RUNX2: variants seen among roughly 807,000 people sequenced by gnomAD.
The protein encoded by RUNX2 is RUNX family transcription factor 2, also known as runt-related transcription factor 2.
RUNX2 carries 10 observed loss-of-function variants against 51.7 expected under a neutral mutation model. The observed-to-expected ratio is 0.19, with a 90% CI of 0.12 to 0.33. The LOEUF is 0.33. Among genes scored for constraint, RUNX2 ranks in the 10% least tolerant of loss-of-function variants. The pLI, the probability that RUNX2 is intolerant of heterozygous loss-of-function variation, is 1.00. For missense variants in RUNX2, 562 were observed against 691.3 expected, an observed-to-expected ratio of 0.81 and a Z score of 2.10; for synonymous variants, 276 against 273.6, an observed-to-expected ratio of 1.01 and a Z score of -0.09.
intron 2 of RUNX2, among the ~76,000 whole-genome samples, chr6:45,373,458 C>T (rs1466176142): frequency 1.3e-5 from 2 of 151,886 alleles, no homozygotes; most frequent in Non-Finnish European, 2.9e-5. Context: ...GTTGGTTCTC[C>T]CTTAGCAGTA....
At chr6:45,493,903 T>G (rs1026046159) in intron 6 of RUNX2, among the ~76,000 whole-genome samples, 2 of 152,220 alleles carry the variant, frequency 1.3e-5, no homozygotes, top group African/African-American at 4.8e-5. Context: ...GATTTCTGTA[T>G]TCTGATCATT....
rs1247004200 is a variant in RUNX2, at chr6:45,422,640, C to T, written c.106C>T (p.Pro36Ser). 6.2e-7 allele frequency: 1 copy of T among 1,606,798 alleles called. No individual in the cohort carries two copies. Among genetic ancestry groups the T allele is most frequent in the Non-Finnish European group, 8.5e-7 (1 of 1,177,442 alleles). Residue 36 changes from proline (P) to serine (S), a missense_variant, in exon 3 of 9, where the codon CCC becomes TCC. Physicochemically the swap from Pro to Ser is moderately conservative, Grantham distance 74 (BLOSUM62 -1). Transcript: ENST00000647337. ...RFSPPSSSLQ[P>S]GKMSDVSPVV... The stretch of plus-strand genomic sequence containing the variant: ...CAGCCCCCCCTCCAGCAGCCTGCAG[C>T]CCGGCAAAATGAGCGACGTGAGCCC...
intron 3 of RUNX2, among the ~76,000 whole-genome samples, chr6:45,431,052 T>C (rs540169116): frequency 4.6e-5 from 7 of 152,358 alleles, no homozygotes; most frequent in Admixed American, 4.6e-4. Context: ...AGAAAATGTT[T>C]GTTTGTTCCA....
At chr6:45,393,338 G>T (rs554752828) in intron 2 of RUNX2, among the ~76,000 whole-genome samples, 1 of 152,310 alleles carries the variant, frequency 6.6e-6, no homozygotes, top group African/African-American at 2.4e-5. Context: ...TGTTTTTCTG[G>T]CTAGGAGTTA....
intron 2 of RUNX2, among the ~76,000 whole-genome samples, chr6:45,329,727 T>C (rs1787076739): frequency 6.6e-6 from 1 of 151,966 alleles, no homozygotes; most frequent in African/African-American, 2.4e-5. Flanking sequence ...AGGCATAATC[T>C]TGTCCCTTAA....
At chr6:45,511,165 G>A (rs1438153505) in intron 6 of RUNX2, among the ~76,000 whole-genome samples, 1 of 151,944 alleles carries the variant, frequency 6.6e-6, no homozygotes, top group Non-Finnish European at 1.5e-5. Context: ...TTTTTGCTTT[G>A]GAAACATACA....
At chr6:45,446,994 T>G (rs1799018451) in intron 5 of RUNX2, among the ~76,000 whole-genome samples, 1 of 152,270 alleles carries the variant, frequency 6.6e-6, no homozygotes, top group Non-Finnish European at 1.5e-5. Flanking sequence ...GGTGAAAATC[T>G]ATTTGTTGGA....
intron 7 of RUNX2, among the ~76,000 whole-genome samples, chr6:45,538,190 G>C (rs181730703): frequency 5.9e-5 from 9 of 152,248 alleles, no homozygotes; most frequent in Admixed American, 5.9e-4. Context: ...CAGGCCACAG[G>C]AAAATACCAG....
intron 7 of RUNX2, among the ~76,000 whole-genome samples, chr6:45,520,095 G>T (rs556344929): frequency 6.6e-6 from 1 of 152,034 alleles, no homozygotes; most frequent in Non-Finnish European, 1.5e-5. Context: ...GCCTCCCAAA[G>T]TGCTGGGATT....
intron 2 of RUNX2, among the ~76,000 whole-genome samples, chr6:45,350,764 C>T (rs1791846345): frequency 6.6e-6 from 1 of 151,996 alleles, no homozygotes; most frequent in South Asian, 2.1e-4. Context: ...CAGCTAAATG[C>T]CAGGTTCTAA....
At chr6:45,397,641 T>C (rs1327432459) in intron 2 of RUNX2, among the ~76,000 whole-genome samples, 3 of 152,190 alleles carry the variant, frequency 2.0e-5, no homozygotes, top group Non-Finnish European at 2.9e-5. Flanking sequence ...ATGATACTTA[T>C]TAGTATTTCA....
Position 45,420,709 on chromosome 6 carries a change from A to G in RUNX2, c.59-1884A>G, listed in dbSNP as rs185506092. The stretch of plus-strand genomic sequence containing the variant: ...TAAGCAAGAAACGTAGTAGTACACA[A>G]CGCCGAGGGTAAAACGGCCCTGTGC... On this transcript the variant is annotated intron_variant, in intron 2 of 8. Transcript: ENST00000647337. Among the ~76,000 whole-genome samples the G allele has an allele frequency of 2.0e-5, 3 of 152,332 alleles. No individual in the cohort carries two copies. In the East Asian group the frequency reaches 5.8e-4, roughly 29 times the overall value.
At position 45,334,732 on chromosome 6, in the gene RUNX2, C is replaced by G. The variant is rs1024957929; in HGVS notation, c.58+5948C>G. On this transcript the variant is annotated intron_variant, in intron 2 of 8. Coordinates refer to ENST00000647337, the MANE Select transcript of RUNX2 (RefSeq NM_001024630.4). ...GTGAATGCATTCACACCAATGACTA[C>G]AGAACTTGTAATAATGATTATAAAC... is the stretch of plus-strand genomic sequence containing the variant. Among the ~76,000 whole-genome samples the G allele has an allele frequency of 6.0e-5, 9 of 151,066 alleles. No individual in the cohort carries two copies. In the South Asian group the frequency reaches 1.2e-3, roughly 21 times the overall value.
Position 45,550,978 on chromosome 6 carries a change from A to G in RUNX2, c.*3673A>G, listed in dbSNP as rs1802549232. 1 of 152,640 alleles carries G rather than the reference A, an allele frequency of 6.6e-6. No homozygotes were observed. The highest frequency in any genetic ancestry group is 1.5e-5 in the Non-Finnish European group (1 of 68,042). 9.5% of individuals were successfully genotyped at this position (152,640 alleles called of 1,614,324 possible). On this transcript the variant is annotated 3_prime_UTR_variant, in exon 9 of 9. Transcript: ENST00000647337. ...ACTTCAAAGGGACTATTTGTATTGT[A>G]TGTTGCAACTGTAAATTGAATTATT...
intron 3 of RUNX2, among the ~76,000 whole-genome samples, chr6:45,429,708 T>C (rs1477771901): frequency 6.6e-6 from 1 of 152,178 alleles, no homozygotes; most frequent in Non-Finnish European, 1.5e-5. Context: ...GACTCAACAT[T>C]AACTGGCCCT....
chr6:45,346,591 A>G (rs2150161539), intron 2 of RUNX2, among the ~76,000 whole-genome samples: 1 of 140,708 alleles, frequency 7.1e-6, no homozygotes, highest in Non-Finnish European at 1.5e-5. Context: ...TTCTTGAGAT[A>G]GGGTCTCACT....
chr6:45,346,170 T>C (rs1254984706), intron 2 of RUNX2, among the ~76,000 whole-genome samples: 1 of 142,054 alleles, frequency 7.0e-6, no homozygotes, highest in Non-Finnish European at 1.6e-5. Flanking sequence ...CTACCACCTG[T>C]CATTCTCTCA....
At chr6:45,443,099 T>C (rs909065699) in intron 5 of RUNX2, among the ~76,000 whole-genome samples, 2 of 130,568 alleles carry the variant, frequency 1.5e-5, no homozygotes, top group African/African-American at 5.9e-5. Context: ...CAGGCTGGAG[T>C]ACAGTGCCAT....
chr6:45,451,816 T>C (rs368419144), intron 5 of RUNX2, among the ~76,000 whole-genome samples: 1 of 152,212 alleles, frequency 6.6e-6, no homozygotes, highest in African/African-American at 2.4e-5. Context: ...TGATTCTCTG[T>C]GTGTTTATAA....
Sources: gnomAD v4.1 joint callset for allele counts (sites outside exome capture counted in the v4.1 genomes callset) on GRCh38, gnomAD v4.1.1 for gene constraint, MANE v1.5 for transcripts, NCBI Gene and HGNC (gene_info 2026-07-23, HGNC 2026-07-21) for gene names.